Variants in MAP1B observed in about 807,000 individuals in gnomAD.
MAP1B encodes microtubule-associated protein 1B.
Under a neutral mutation model 176.1 loss-of-function variants are expected in MAP1B, and 12 were observed. The ratio of observed to expected loss-of-function variants is 0.07; its 90% CI spans 0.04 to 0.11. MAP1B has a LOEUF of 0.11. Among genes scored for constraint, MAP1B ranks in the 10% least tolerant of loss-of-function variants. The pLI is 1.00. For missense variants in MAP1B, 2,523 were observed against 2,990.5 expected, an observed-to-expected ratio of 0.84 and a Z score of 3.65; for synonymous variants, 1,044 against 1,135.0, an observed-to-expected ratio of 0.92 and a Z score of 1.61.
At chr5:72,158,113 A>C (rs1232566415) in intron 2 of MAP1B, among the ~76,000 whole-genome samples, 2 of 147,752 alleles carry the variant, frequency 1.4e-5, no homozygotes, top group East Asian at 4.0e-4. Context: ...GGTTCACGCC[A>C]TTCTCCTGCC....
At chr5:72,132,505 A>C (rs1745753088) in intron 2 of MAP1B, among the ~76,000 whole-genome samples, 1 of 152,196 alleles carries the variant, frequency 6.6e-6, no homozygotes, top group Non-Finnish European at 1.5e-5. Flanking sequence ...CTAGGAGAAC[A>C]TTTCACATTT....
rs772902831 is a variant in MAP1B at position 72,196,948 on chromosome 5, A to G, written c.3593A>G (p.Lys1198Arg). 2.5e-6 allele frequency: 4 copies of G among 1,614,140 alleles called. No individual in the cohort carries two copies. In the African/African-American group the frequency reaches 5.3e-5, roughly 22 times the overall value. ...TCAAAAACAGATGCCACTGATGGCA[A>G]GGATTACAATGCTTCAGCCTCTACC... Reference protein sequence around the residue: ...EGSKTDATDGKDYNASASTIS... With the variant: ...EGSKTDATDGRDYNASASTIS... The change falls in exon 5 of 7, where the codon AAG becomes AGG. Residue 1198 changes from lysine to arginine, a missense_variant. This residue lies in a region of MAP1B where 1,925 missense variants were observed against 2,126.0 expected (regional missense o/e 0.91). Coordinates refer to ENST00000296755, the MANE Select transcript of MAP1B (RefSeq NM_005909.5). This position sits in a 1 kb window ranked among gnomAD's most constrained non-coding sequence, Gnocchi z 5.3.
At chr5:72,185,061 T>C (rs896322622) in intron 3 of MAP1B, among the ~76,000 whole-genome samples, 8 of 152,240 alleles carry the variant, frequency 5.3e-5, no homozygotes, top group African/African-American at 1.7e-4. Context: ...TGATATACTA[T>C]GTGGCCTTGC....
Position 72,198,267 on chromosome 5 carries a change from C to T in MAP1B, c.4912C>T (p.His1638Tyr). Reference sequence around the variant, plus strand: ...AAAGTCCAGGACACCCGTTCAAGATCACAGATCTGAACAGTCCTCAATGTC... The same window carrying T: ...AAAGTCCAGGACACCCGTTCAAGATTACAGATCTGAACAGTCCTCAATGTC... ...TAKSRTPVQDHRSEQSSMSIE... is the reference protein window; with the variant it reads ...TAKSRTPVQDYRSEQSSMSIE... Residue 1638 changes from histidine to tyrosine, a missense_variant, in exon 5 of 7, where the codon CAC becomes TAC. His to Tyr is a moderately conservative substitution (Grantham distance 83). Around this residue, in one of 4 missense-constraint regions of MAP1B, gnomAD observed 1,925 missense variants for 2,126.0 expected, o/e 0.91. Transcript: ENST00000296755. The T allele has an allele frequency of 6.2e-7, 1 of 1,614,148 alleles. No individual in the cohort carries two copies. The highest frequency in any genetic ancestry group is 8.5e-7 in the Non-Finnish European group (1 of 1,179,960).
chr5:72,197,123 C>A lies in MAP1B; in HGVS notation c.3768C>A (p.Ser1256Arg). 6.2e-7 allele frequency: 1 copy of A among 1,614,222 alleles called. No homozygotes were observed. Among genetic ancestry groups the A allele is most frequent in the Admixed American group, 1.7e-5 (1 of 60,030 alleles). Residue 1256 changes from serine (S) to arginine (R), a missense_variant, in exon 5 of 7, where the codon AGC (serine) becomes AGA (arginine). By Grantham distance (110) the Ser-to-Arg change is moderately radical. Transcript: ENST00000296755. ...GTGAAAAGGTCAGCCCATCGAAGAG[C>A]CCGTCCCTGAGTCCATCTCCACCAT... The part of the protein sequence containing the change: ...VSSEKVSPSK[S>R]PSLSPSPPSP...
chr5:72,167,249 C>T (rs1430647100), intron 2 of MAP1B, among the ~76,000 whole-genome samples: 2 of 152,172 alleles, frequency 1.3e-5, no homozygotes, highest in African/African-American at 2.4e-5. Context: ...TTGATTTTCA[C>T]TGCATCTATC....
intron 2 of MAP1B, among the ~76,000 whole-genome samples, chr5:72,141,613 G>A (rs1428047203): frequency 6.6e-6 from 1 of 152,174 alleles, no homozygotes; most frequent in African/African-American, 2.4e-5. Flanking sequence ...GTACCCTGAT[G>A]GCATGACTCA....
At position 72,199,833 on chromosome 5, in the gene MAP1B, T is replaced by C; in HGVS notation, c.6478T>C (p.Ser2160Pro). 6.2e-7 allele frequency: 1 copy of C among 1,614,092 alleles called. No individual in the cohort carries two copies. Among genetic ancestry groups the C allele is most frequent in the Non-Finnish European group, 8.5e-7 (1 of 1,180,002 alleles). ...VSESAPSQTD[S>P]DVPPETEECP... Reference sequence around the variant, plus strand: ...CGAGTCAGCCCCATCCCAGACCGACTCTGATGTTCCCCCGGAGACTGAAGA... The same window carrying C: ...CGAGTCAGCCCCATCCCAGACCGACCCTGATGTTCCCCCGGAGACTGAAGA... The change falls in exon 5 of 7, where the codon TCT becomes CCT. Residue 2160 changes from serine (S) to proline (P), a missense_variant. By Grantham distance (74) the Ser-to-Pro change is moderately conservative (BLOSUM62 -1). This residue lies in a region of MAP1B where 287 missense variants were observed against 401.5 expected (regional missense o/e 0.71). Transcript: ENST00000296755. This position sits in a 1 kb window ranked among gnomAD's most constrained non-coding sequence, Gnocchi z 4.2.
chr5:72,179,586 CA>C (rs1220520076), intron 2 of MAP1B: 4 of 984,744 alleles, frequency 4.1e-6, no homozygotes, highest in Non-Finnish European at 4.8e-6. Flanking sequence ...ACGGGTATGC[CA>C]GGGGTGGGGG....
In MAP1B at chr5:72,165,900, C is replaced by T. The variant is rs76205908; in HGVS notation, c.287-17843C>T. The stretch of plus-strand genomic sequence containing the variant: ...CAAGCTACAAAGCCTAACTGTAGAA[C>T]CAGATAGACTAGAAGGGAGAAATCC... On this transcript the variant is annotated intron_variant, in intron 2 of 6. Coordinates refer to ENST00000296755, the MANE Select transcript of MAP1B (RefSeq NM_005909.5). 6.8e-3 allele frequency among the ~76,000 whole-genome samples: 1,042 copies of T among 152,200 alleles called. 14 individuals carry two copies. The highest frequency in any genetic ancestry group is 0.024 in the African/African-American group (990 of 41,518).
At chr5:72,173,278 A>G (rs1475975146) in intron 2 of MAP1B, among the ~76,000 whole-genome samples, 1 of 152,206 alleles carries the variant, frequency 6.6e-6, no homozygotes, top group Non-Finnish European at 1.5e-5. Flanking sequence ...TTCCTGATTT[A>G]GAAACTGTAA....
chr5:72,150,294 G>A (rs1746118275), intron 2 of MAP1B, among the ~76,000 whole-genome samples: 1 of 152,142 alleles, frequency 6.6e-6, no homozygotes, highest in Non-Finnish European at 1.5e-5. Context: ...AACCTAATTT[G>A]CATTCTTGTC....
rs768373033 is a variant in MAP1B at position 72,197,900 on chromosome 5, A to G, written c.4545A>G (p.Glu1515=). The G allele has an allele frequency of 6.2e-7, 1 of 1,614,234 alleles. No individual in the cohort carries two copies. The highest frequency in any genetic ancestry group is 2.2e-5 in the East Asian group (1 of 44,884). Residue 1515 remains glutamate (E), a synonymous_variant, in exon 5 of 7, where the codon GAA becomes GAG. Transcript: ENST00000296755. ...IDVSQFGSFK[E]DTKMSISEGT... is the part of the protein sequence containing the mutation. ...TCAGTCAGTTTGGATCTTTTAAAGA[A>G]GACACTAAGATGTCCATTTCTGAAG...
intron 2 of MAP1B, among the ~76,000 whole-genome samples, chr5:72,137,347 G>C (rs542169694): frequency 6.6e-6 from 1 of 152,156 alleles, no homozygotes; most frequent in Admixed American, 6.5e-5. Context: ...AGTCTACAAG[G>C]GATGATAGGC....
In MAP1B at chr5:72,204,672, G is replaced by A. The variant is rs1228516446; in HGVS notation, c.7252-412G>A. ...CAGATCTTTGTTCTCAGGACAAAAT[G>A]TTAGTTACTCACAATGAGTGGGCTT... On this transcript the variant is annotated intron_variant, in intron 6 of 6. Transcript: ENST00000296755. The surrounding 1 kb of genome is among the most constrained non-coding windows in gnomAD (Gnocchi z 4.4). Among the ~76,000 whole-genome samples, 2 of 152,178 alleles carry A rather than the reference G, an allele frequency of 1.3e-5. No homozygotes were observed. The highest frequency in any genetic ancestry group is 3.8e-4 in the East Asian group (2 of 5,202).
chr5:72,194,081 C>T lies in MAP1B; in HGVS notation c.726C>T (p.Pro242=). 1 of 1,614,216 alleles carries T rather than the reference C, an allele frequency of 6.2e-7. No individual in the cohort carries two copies. Among genetic ancestry groups the T allele is most frequent in the Non-Finnish European group, 8.5e-7 (1 of 1,180,040 alleles). ...YLSESVEVPS[P]FDILEPPTSG... ...CAGAATCAGTGGAAGTCCCATCTCC[C>T]TTTGACATCTTGGAACCTCCCACAT... The change falls in exon 5 of 7, where the codon CCC becomes CCT. Residue 242 remains proline, a synonymous_variant. Transcript: ENST00000296755. This position sits in a 1 kb window ranked among gnomAD's most constrained non-coding sequence, Gnocchi z 7.2.
rs146996784 is a variant in MAP1B at position 72,195,199 on chromosome 5, C to T, written c.1844C>T (p.Pro615Leu). The T allele has an allele frequency of 4.3e-5, 70 of 1,613,578 alleles. No homozygotes were observed. The highest frequency in any genetic ancestry group is 5.9e-5 in the Non-Finnish European group (70 of 1,179,988). Residue 615 changes from proline (P) to leucine (L), a missense_variant, in exon 5 of 7, where the codon CCA becomes CTA. Pro to Leu is a moderately conservative substitution (Grantham distance 98). This residue lies in a region of MAP1B where 1,925 missense variants were observed against 2,126.0 expected (regional missense o/e 0.91). Coordinates refer to ENST00000296755, the MANE Select transcript of MAP1B (RefSeq NM_005909.5). The stretch of plus-strand genomic sequence containing the variant: ...GTTCCCAGCAAAGAAGAGCCATCTC[C>T]AGTGAAAGCCGAGGTGGCTGAGAAG... ...KEVPSKEEPS[P>L]VKAEVAEKQA... is the part of the protein sequence containing the mutation.
intron 2 of MAP1B, among the ~76,000 whole-genome samples, chr5:72,153,526 A>T (rs1270757322): frequency 2.0e-5 from 3 of 151,824 alleles, no homozygotes; most frequent in African/African-American, 4.8e-5. Flanking sequence ...GCCTGGAGTC[A>T]GTGTGGGGGT....
At chr5:72,155,240 G>T (rs1746208156) in intron 2 of MAP1B, among the ~76,000 whole-genome samples, 1 of 152,202 alleles carries the variant, frequency 6.6e-6, no homozygotes. Flanking sequence ...CCAGAGTACT[G>T]TATAGCAAAG....
Sources: allele counts gnomAD v4.1 joint callset (sites outside exome capture counted in the v4.1 genomes callset), GRCh38; gene constraint gnomAD v4.1.1; regional missense constraint gnomAD v4.1.1; non-coding constraint Gnocchi (gnomAD v3.1); transcripts MANE v1.5; gene names NCBI Gene and HGNC (gene_info 2026-07-23, HGNC 2026-07-21).